The following DOCK9 variants were observed in gnomAD, a reference collection of about 807,000 sequenced individuals.
DOCK9 encodes dedicator of cytokinesis protein 9.
A neutral mutation model predicts 263.3 loss-of-function variants in DOCK9; 89 were observed. The observed-to-expected ratio is 0.34, with a 90% confidence interval of 0.28 to 0.40. The LOEUF (loss-of-function observed/expected upper bound fraction) is 0.40, where lower values mean the gene tolerates loss of function less well. Ranked by LOEUF, DOCK9 falls within the 10% of genes least tolerant of loss-of-function variation. DOCK9 has a pLI of 1.00. For missense variants in DOCK9, 2,140 were observed against 2,603.4 expected (o/e 0.82, Z 3.87); for synonymous variants, 976 against 973.1 (o/e 1.00, Z -0.06).
chr13:98,816,268 T>C (rs1356849046), intron 45 of DOCK9, among the ~76,000 whole-genome samples: 3 of 152,132 alleles, frequency 2.0e-5, no homozygotes, highest in African/African-American at 7.2e-5. Flanking sequence ...ACACACACGG[T>C]CATCCTCAGA....
In DOCK9 at chr13:98,904,674, A is replaced by C. The variant is rs375207935; in HGVS notation, c.993T>G (p.Ser331Arg). 56 of 1,557,650 alleles carry C rather than the reference A, an allele frequency of 3.6e-5. No homozygotes were observed. The highest frequency in any genetic ancestry group is 1.0e-5 in the Non-Finnish European group (12 of 1,149,534). Reference protein sequence around the residue: ...SAREAEIKLKSESRVKLFYLD... With the variant: ...SAREAEIKLKRESRVKLFYLD... Reference sequence around the variant, plus strand: ...AATAAAAAAGTTTGACTCTGCTTTCACTTTTCAGTTTGATTTCTGCTTCTC... The same window carrying C: ...AATAAAAAAGTTTGACTCTGCTTTCCCTTTTCAGTTTGATTTCTGCTTCTC... The change falls in exon 10 of 53, where the codon AGT (serine) becomes AGG (arginine). Residue 331 changes from serine to arginine, a missense_variant. Coordinates refer to ENST00000682017, the MANE Select transcript of DOCK9 (RefSeq NM_001366683.2).
chr13:98,797,809 T>G (rs1203058192), intron 50 of DOCK9, among the ~76,000 whole-genome samples: 1 of 152,194 alleles, frequency 6.6e-6, no homozygotes, highest in African/African-American at 2.4e-5. Context: ...GCCCAGGTCT[T>G]CCAAATCCAG....
chr13:98,899,537 C>A (rs1204996656), intron 13 of DOCK9, among the ~76,000 whole-genome samples: 3 of 152,164 alleles, frequency 2.0e-5, no homozygotes. Context: ...TCTAGGACCT[C>A]CCCCCTTCTC....
chr13:98,900,547 A>C (rs1242632212), intron 13 of DOCK9, among the ~76,000 whole-genome samples: 1 of 152,248 alleles, frequency 6.6e-6, no homozygotes, highest in East Asian at 1.9e-4. Context: ...GTGCCTGGGT[A>C]AATGGGCTTT....
intron 5 of DOCK9, among the ~76,000 whole-genome samples, chr13:98,922,412 G>A (rs1490893528): frequency 6.6e-6 from 1 of 152,158 alleles, no homozygotes; most frequent in East Asian, 1.9e-4. Flanking sequence ...AGTGTTTAAT[G>A]AGCCACAAAA....
chr13:98,984,071 A>G (rs192784222), intron 1 of DOCK9, among the ~76,000 whole-genome samples: 34 of 152,346 alleles, frequency 2.2e-4, no homozygotes, highest in African/African-American at 7.5e-4. Context: ...ATGAAATTGT[A>G]TGTCTGTGAG....
At chr13:98,796,874 C>T (rs2089481533) in intron 52 of DOCK9, among the ~76,000 whole-genome samples, 1 of 152,028 alleles carries the variant, frequency 6.6e-6, no homozygotes, top group Admixed American at 6.6e-5. Flanking sequence ...ACATGGCCAC[C>T]TCTTAGAGCC....
At chr13:98,919,141 G>A (rs1431506093) in intron 7 of DOCK9, among the ~76,000 whole-genome samples, 3 of 148,408 alleles carry the variant, frequency 2.0e-5, no homozygotes, top group African/African-American at 7.5e-5. Flanking sequence ...ATGGAGTCTC[G>A]CTCTGTCACC....
At chr13:98,913,701 C>A (rs1397444644) in intron 9 of DOCK9, among the ~76,000 whole-genome samples, 1 of 152,132 alleles carries the variant, frequency 6.6e-6, no homozygotes. Flanking sequence ...AAAAGAACTT[C>A]AACTATAACC....
rs2089082289 is a variant in DOCK9 at position 98,794,483 on chromosome 13, GA to G, written c.*142del. ...ACAACTCCTATAGAAAGTCTGTTAA[GA>G]AATAACGTTGTTCTTTATTTCCTTT... On this transcript the variant is annotated 3_prime_UTR_variant, in exon 53 of 53. Coordinates refer to ENST00000682017, the MANE Select transcript of DOCK9 (RefSeq NM_001366683.2). 1.1e-6 allele frequency: 1 copy of G among 898,480 alleles called. No individual in the cohort carries two copies. Among genetic ancestry groups the G allele is most frequent in the South Asian group, 1.9e-5 (1 of 53,298 alleles). The allele number at this position is 898,480 out of a possible 1,614,324, so 55.7% of individuals were successfully genotyped here. A position where few individuals can be genotyped will look rare whatever the true frequency, so the allele number is the denominator to read the frequency against.
At chr13:99,055,515 G>A (rs9517574) in intron 1 of DOCK9, among the ~76,000 whole-genome samples, 1 of 151,820 alleles carries the variant, frequency 6.6e-6, no homozygotes, top group African/African-American at 2.4e-5. Context: ...GACCGCAATG[G>A]GAGAAATTAG....
rs1161789310 is a variant in DOCK9 at position 98,925,914 on chromosome 13, G to C, written c.339C>G (p.Ile113Met). The change falls in exon 4 of 53, where the codon ATC becomes ATG. Residue 113 changes from isoleucine (I) to methionine (M), a missense_variant. This residue lies in a region of DOCK9 where 1,521 missense variants were observed against 1,741.7 expected (regional missense o/e 0.87). Coordinates refer to ENST00000682017, the MANE Select transcript of DOCK9 (RefSeq NM_001366683.2). ...EAQSLFVTECIKTYNSDWHLV... is the reference protein window; with the variant it reads ...EAQSLFVTECMKTYNSDWHLV... ...GATGCCAGTCAGAGTTATAGGTTTT[G>C]ATGCACTATTGAAGGGGGATTTTAA... is the stretch of plus-strand genomic sequence containing the variant. The C allele has an allele frequency of 6.3e-7, 1 of 1,577,336 alleles. No individual in the cohort carries two copies. The highest frequency in any genetic ancestry group is 1.2e-5 in the South Asian group (1 of 85,328).
Position 98,901,881 on chromosome 13 carries a change from C to G in DOCK9, c.1400G>C (p.Cys467Ser). The G allele has an allele frequency of 6.2e-7, 1 of 1,612,410 alleles. No individual in the cohort carries two copies. Among genetic ancestry groups the G allele is most frequent in the Non-Finnish European group, 8.5e-7 (1 of 1,179,232 alleles). ...CACAAGAAATATATCTGGATGAGGA[C>G]AAGTGACTGAAAATATTCCCTAGGA... is the stretch of plus-strand genomic sequence containing the variant. ...YPKQGIFSVT[C>S]PHPDIFLVAR... Residue 467 changes from cysteine to serine, a missense_variant, in exon 13 of 53, where the codon TGT becomes TCT. By Grantham distance (112) the Cys-to-Ser change is moderately radical. This residue lies in a region of DOCK9 where 1,521 missense variants were observed against 1,741.7 expected (regional missense o/e 0.87). Transcript: ENST00000682017.
In DOCK9 at chr13:98,866,203, G is replaced by A. The variant is rs377700507; in HGVS notation, c.3286+1222C>T. ...GATGCATCAGTGTCTGACATTCTAT[G>A]TATCTTGTGTATGTAGAATAGCCGG... On this transcript the variant is annotated intron_variant, in intron 30 of 52. Transcript: ENST00000682017. 1.6e-3 allele frequency among the ~76,000 whole-genome samples: 239 copies of A among 152,236 alleles called. 6 individuals are homozygous for A. The South Asian group carries it at 0.043, about 27-fold the overall frequency.
At chr13:99,052,782 T>TA (rs2040759259) in intron 1 of DOCK9, among the ~76,000 whole-genome samples, 1 of 151,808 alleles carries the variant, frequency 6.6e-6, no homozygotes, top group South Asian at 2.1e-4. Context: ...TTTTTTTTTT[T>TA]AAGTAGAGAC....
At chr13:99,006,233 T>C (rs7992813) in intron 1 of DOCK9, among the ~76,000 whole-genome samples, 1 of 152,048 alleles carries the variant, frequency 6.6e-6, no homozygotes, top group Non-Finnish European at 1.5e-5. Flanking sequence ...GCCAGGATCA[T>C]ATATAAAAAA....
At chr13:99,085,923 G>C (rs1489347172) in intron 1 of DOCK9, among the ~76,000 whole-genome samples, 3 of 152,136 alleles carry the variant, frequency 2.0e-5, no homozygotes, top group Non-Finnish European at 2.9e-5. Context: ...AATTGGGAGA[G>C]AGCGGGGTGA....
intron 1 of DOCK9, among the ~76,000 whole-genome samples, chr13:98,998,051 G>A (rs1211486995): frequency 6.6e-6 from 1 of 152,218 alleles, no homozygotes; most frequent in African/African-American, 2.4e-5. Flanking sequence ...TGGTGAGGGT[G>A]TCATGCATGT....
chr13:98,808,888 G>A (rs954105853), intron 47 of DOCK9, among the ~76,000 whole-genome samples: 14 of 152,106 alleles, frequency 9.2e-5, no homozygotes, highest in Non-Finnish European at 1.8e-4. Flanking sequence ...ATACTACAAA[G>A]GATAAAGATG....
Sources: allele counts gnomAD v4.1 joint callset (sites outside exome capture counted in the v4.1 genomes callset), GRCh38; gene constraint gnomAD v4.1.1; regional missense constraint gnomAD v4.1.1; transcripts MANE v1.5; gene names NCBI Gene and HGNC (gene_info 2026-07-23, HGNC 2026-07-21).